TCERG1L: variants seen among roughly 807,000 people sequenced by gnomAD.
TCERG1L encodes the protein transcription elongation regulator 1-like protein.
TCERG1L carries 37 observed loss-of-function variants against 56.3 expected under a neutral mutation model. The ratio of observed to expected loss-of-function variants is 0.66; its 90% CI spans 0.51 to 0.87. The LOEUF (loss-of-function observed/expected upper bound fraction) is 0.87, where lower values mean the gene tolerates loss of function less well. TCERG1L is among the 40% of genes least tolerant of loss of function. The pLI, the probability that TCERG1L is intolerant of heterozygous loss-of-function variation, is 0.00. For synonymous variants in TCERG1L, 324 were observed against 326.3 expected, an observed-to-expected ratio of 0.99 and a Z score of 0.08; for missense variants, 799 against 774.2, an observed-to-expected ratio of 1.03 and a Z score of -0.38.
At chr10:131,142,571 G>C (rs1361688234) in intron 7 of TCERG1L, among the ~76,000 whole-genome samples, 1 of 152,222 alleles carries the variant, frequency 6.6e-6, no homozygotes, top group Admixed American at 6.5e-5. Flanking sequence ...CCGCAGACTA[G>C]GGAAGGACAG....
intron 8 of TCERG1L, among the ~76,000 whole-genome samples, chr10:131,129,961 G>A (rs932846865): frequency 6.6e-6 from 1 of 152,032 alleles, no homozygotes; most frequent in Admixed American, 6.6e-5. Flanking sequence ...GAGAACTCAT[G>A]CACTATCATG....
intron 4 of TCERG1L, among the ~76,000 whole-genome samples, chr10:131,181,636 G>A (rs768102849): frequency 3.2e-4 from 48 of 152,240 alleles, no homozygotes; most frequent in Non-Finnish European, 5.3e-4. Flanking sequence ...GCCAGCGTCT[G>A]CCTGTGGCCA....
At chr10:131,117,087 G>A (rs910383977) in intron 8 of TCERG1L, among the ~76,000 whole-genome samples, 153 bp from the exon 9 acceptor site, 6 of 152,212 alleles carry the variant, frequency 3.9e-5, no homozygotes, top group Non-Finnish European at 7.3e-5. Context: ...CCCTCGCAAA[G>A]ATGGCACATT....
intron 4 of TCERG1L, among the ~76,000 whole-genome samples, chr10:131,252,179 T>G (rs572564120): frequency 6.6e-6 from 1 of 152,340 alleles, no homozygotes; most frequent in African/African-American, 2.4e-5. Flanking sequence ...CTCGGATCAC[T>G]TCCACCATTT....
intron 4 of TCERG1L, among the ~76,000 whole-genome samples, chr10:131,231,591 G>T (rs1845852739): frequency 6.6e-6 from 1 of 152,112 alleles, no homozygotes; most frequent in African/African-American, 2.4e-5. Flanking sequence ...GGGGTTCGGA[G>T]CAGGGAAAGC....
intron 4 of TCERG1L, among the ~76,000 whole-genome samples, chr10:131,214,760 C>T (rs766113081): frequency 2.6e-5 from 4 of 152,238 alleles, no homozygotes; most frequent in East Asian, 1.9e-4. Flanking sequence ...GCTCCACAGA[C>T]GCCCAGCTGG....
intron 4 of TCERG1L, among the ~76,000 whole-genome samples, chr10:131,193,854 T>A (rs1173671794): frequency 3.3e-5 from 5 of 152,344 alleles, no homozygotes; most frequent in African/African-American, 9.6e-5. Context: ...ATTTTAGAAT[T>A]TTTTTTCTAA....
At chr10:131,200,883 C>T (rs1457984390) in intron 4 of TCERG1L, among the ~76,000 whole-genome samples, 2 of 152,128 alleles carry the variant, frequency 1.3e-5, no homozygotes, top group Non-Finnish European at 2.9e-5. Context: ...CACAAGGGAT[C>T]CTCCCTGGCA....
chr10:131,219,608 C>T (rs893511), intron 4 of TCERG1L, among the ~76,000 whole-genome samples: 4,764 of 152,288 alleles, frequency 0.031, 109 homozygotes, highest in Middle Eastern at 0.048. Context: ...CCTCACTGAT[C>T]CTTTGTCCAT....
intron 4 of TCERG1L, among the ~76,000 whole-genome samples, chr10:131,177,470 G>A (rs4751339): frequency 0.18 from 27,189 of 152,262 alleles, 3,089 homozygotes; most frequent in Middle Eastern, 0.26. Context: ...TTTTCTAGAG[G>A]TGACATCAAA....
intron 4 of TCERG1L, among the ~76,000 whole-genome samples, chr10:131,254,959 C>T (rs1317556507): frequency 1.3e-5 from 2 of 152,116 alleles, no homozygotes; most frequent in Non-Finnish European, 2.9e-5. Flanking sequence ...TAGTTGCATC[C>T]GTCAACCTAG....
At chr10:131,269,138 G>T (rs77946148) in intron 3 of TCERG1L, among the ~76,000 whole-genome samples, 13,655 of 152,168 alleles carry the variant, frequency 0.09, 721 homozygotes, top group Admixed American at 0.15. Context: ...CTTTTCATTT[G>T]AAAATGTAGT....
chr10:131,100,623 G>GC (rs1845295693), intron 10 of TCERG1L, among the ~76,000 whole-genome samples: 1 of 152,162 alleles, frequency 6.6e-6, no homozygotes, highest in Non-Finnish European at 1.5e-5. Context: ...ATAGAAACAG[G>GC]CCTGATTCAC....
chr10:131,308,023 GA>G (rs1431985786), intron 3 of TCERG1L, among the ~76,000 whole-genome samples, 187 bp downstream of exon 3: 1 of 151,660 alleles, frequency 6.6e-6, no homozygotes. Flanking sequence ...ACCCACCCCA[GA>G]AAAAAATAGT....
chr10:131,172,719 C>T (rs1247064958), intron 4 of TCERG1L, among the ~76,000 whole-genome samples: 1 of 152,180 alleles, frequency 6.6e-6, no homozygotes, highest in Non-Finnish European at 1.5e-5. Flanking sequence ...CAGGCCTGTG[C>T]CAGCCATGAT....
intron 3 of TCERG1L, among the ~76,000 whole-genome samples, chr10:131,274,750 T>A (rs1258674832): frequency 6.6e-6 from 1 of 152,150 alleles, no homozygotes. Context: ...CACATTGCCC[T>A]TGTGCTTTTC....
chr10:131,198,693 T>A (rs1845393610), intron 4 of TCERG1L, among the ~76,000 whole-genome samples: 1 of 152,214 alleles, frequency 6.6e-6, no homozygotes, highest in Non-Finnish European at 1.5e-5. Context: ...TGCATGCTGG[T>A]GACTCTACGG....
intron 3 of TCERG1L, among the ~76,000 whole-genome samples, chr10:131,273,552 G>T (rs1178743877): frequency 6.6e-6 from 1 of 152,248 alleles, no homozygotes; most frequent in Admixed American, 6.5e-5. Context: ...CGCAGTGGTG[G>T]GGGCTGACCC....
chr10:131,245,551 C>T (rs1352541651), intron 4 of TCERG1L, among the ~76,000 whole-genome samples: 5 of 152,146 alleles, frequency 3.3e-5, no homozygotes, highest in African/African-American at 1.2e-4. Flanking sequence ...CCGGGGGCAG[C>T]GACAGGAAAT....
Sources: gnomAD v4.1 joint callset for allele counts (sites outside exome capture counted in the v4.1 genomes callset) on GRCh38, gnomAD v4.1.1 for gene constraint, MANE v1.5 for transcripts, NCBI Gene and HGNC (gene_info 2026-07-23, HGNC 2026-07-21) for gene names.